Variants in AWAT2 observed in about 807,000 individuals in gnomAD.
AWAT2 encodes the protein acyl-CoA wax alcohol acyltransferase 2, also known as 11-cis-RE-synthase.
A neutral mutation model predicts 22.3 loss-of-function variants in AWAT2; 9 were observed. The observed-to-expected ratio is 0.40, with a 90% CI of 0.24 to 0.70. AWAT2 has a LOEUF of 0.70. AWAT2 is among the 30% of genes least tolerant of loss of function. AWAT2 has a pLI of 0.36. For missense variants in AWAT2, 217 were observed against 265.9 expected (o/e 0.82, Z 1.28); for synonymous variants, 100 against 93.4 (o/e 1.07, Z -0.40).
chrX:70,048,323 C>T (rs1391700241), intron 1 of AWAT2, among the ~76,000 whole-genome samples: 1 of 111,421 alleles, frequency 9.0e-6, no homozygotes, highest in Non-Finnish European at 1.9e-5. Flanking sequence ...ACAATCTGTC[C>T]CCTGCCTGTT....
rs762580067 is a variant in AWAT2 at position 70,041,561 on chromosome X, A to G, written c.*97T>C. 2.3e-5 allele frequency: 8 copies of G among 353,923 alleles called. No homozygotes were observed. The highest frequency in any genetic ancestry group is 1.5e-4 in the Admixed American group (3 of 19,821). 29.2% of individuals were successfully genotyped at this position (353,923 alleles called of 1,213,427 possible). A position where few individuals can be genotyped will look rare whatever the true frequency, so the allele number is the denominator to read the frequency against. ...AGTGCCGTCAGGGCACCTCTCCCCT[A>G]GGCTCTTCCCTGTTTCTTGGGACTA... On this transcript the variant is annotated 3_prime_UTR_variant, in exon 8 of 8. Transcript: ENST00000276101.
At chrX:70,046,500 G>T (rs1488399501) in intron 1 of AWAT2, among the ~76,000 whole-genome samples, 2 of 109,048 alleles carry the variant, frequency 1.8e-5, no homozygotes, top group African/African-American at 6.7e-5. Context: ...CGCCTCCCGG[G>T]TTCAAGCAGT....
chrX:70,049,137 G>T (rs181675080), intron 1 of AWAT2, among the ~76,000 whole-genome samples: 1 of 111,634 alleles, frequency 9.0e-6, no homozygotes, highest in Non-Finnish European at 1.9e-5. Context: ...ATTCACTGGC[G>T]TGCCTCTGTG....
intron 1 of AWAT2, among the ~76,000 whole-genome samples, chrX:70,048,736 G>A (rs1246048217): frequency 6.3e-5 from 7 of 111,745 alleles, no homozygotes; most frequent in Non-Finnish European, 1.3e-4. Flanking sequence ...GAGGTAGTAA[G>A]GACTGTGAAT....
intron 7 of AWAT2, 42 bp downstream of exon 7, chrX:70,041,731 A>G: frequency 9.5e-7 from 1 of 1,055,756 alleles, no homozygotes. Context: ...GGAGCCTGAT[A>G]GGTGACTTTT....
chrX:70,042,952 ATGTAT>A (rs1922930622), intron 5 of AWAT2, 112 bp downstream of exon 5: 3 of 585,369 alleles, frequency 5.1e-6, no homozygotes, highest in Admixed American at 9.8e-5. Context: ...GTTCGTAAGA[ATGTAT>A]TGTATACTTC....
rs781021844 is a variant in AWAT2, at chrX:70,043,155, C to T, written c.561G>A (p.Leu187=). Residue 187 remains leucine, a synonymous_variant, in exon 5 of 8, where the codon CTG becomes CTA. Coordinates refer to ENST00000276101, the MANE Select transcript of AWAT2 (RefSeq NM_001002254.1). The part of the protein sequence containing the change: ...GNMVIVVIGG[L]AECRYSLPGS... ...CTGGCAGGCTGTATCTGCACTCAGCCAGTCCACCAATCACCACAATGACCA... is the reference window on the plus strand; with the variant it reads ...CTGGCAGGCTGTATCTGCACTCAGCTAGTCCACCAATCACCACAATGACCA... The T allele has an allele frequency of 8.3e-7, 1 of 1,206,799 alleles. No homozygotes were observed. The highest frequency in any genetic ancestry group is 1.1e-6 in the Non-Finnish European group (1 of 893,135).
At chrX:70,044,544 A>G in intron 1 of AWAT2, 82 bp from the exon 2 acceptor site, 1 of 1,141,657 alleles carries the variant, frequency 8.8e-7, no homozygotes, top group Non-Finnish European at 1.2e-6. Context: ...GTCCACCCCA[A>G]GGTCACGTGC....
chrX:70,044,039 T>C, intron 2 of AWAT2, 43 bp from the exon 3 acceptor site: 1 of 1,139,052 alleles, frequency 8.8e-7, no homozygotes, highest in Non-Finnish European at 1.2e-6. Flanking sequence ...CCATTCCCAC[T>C]GTGGGCCTGC....
intron 7 of AWAT2, 70 bp from the exon 8 acceptor site, chrX:70,041,692 C>A: frequency 1.3e-6 from 1 of 757,163 alleles, no homozygotes; most frequent in East Asian, 3.4e-5. Context: ...AGCCCCTCCC[C>A]ATAAGGAGGA....
chrX:70,049,877 A>G lies in AWAT2; in HGVS notation c.56T>C (p.Phe19Ser). ...LKTALDVFAV[F>S]QWSFSALLIT... is the part of the protein sequence containing the mutation. ...AAGCAAGGCACTGAAGGACCACTGG[A>G]AAACAGCAAAGACATCCAGGGCAGT... is the stretch of plus-strand genomic sequence containing the variant. Residue 19 changes from phenylalanine to serine, a missense_variant, in exon 1 of 8, where the codon TTC becomes TCC. Physicochemically the swap from Phe to Ser is radical, Grantham distance 155. Transcript: ENST00000276101. 2.5e-6 allele frequency: 3 copies of G among 1,211,826 alleles called. No homozygotes were observed. The highest frequency in any genetic ancestry group is 3.3e-6 in the Non-Finnish European group (3 of 895,529).
chrX:70,043,384 G>T, intron 4 of AWAT2, 94 bp downstream of exon 4: 2 of 1,003,483 alleles, frequency 2.0e-6, no homozygotes, highest in Non-Finnish European at 2.7e-6. Context: ...CACCAGAGGG[G>T]ATTGGGAGCT....
intron 1 of AWAT2, among the ~76,000 whole-genome samples, chrX:70,047,164 G>A (rs113545752): frequency 0.048 from 5,390 of 111,895 alleles, 311 homozygotes; most frequent in African/African-American, 0.17. Context: ...GAGGATGGGG[G>A]AAGAGGAAGT....
intron 5 of AWAT2, 91 bp from the exon 6 acceptor site, chrX:70,042,477 G>T (rs953980455): frequency 1.1e-6 from 1 of 909,251 alleles, no homozygotes; most frequent in Non-Finnish European, 1.6e-6. Context: ...CCCTGGGTCT[G>T]CCTACAGGCT....
At chrX:70,043,012 CT>C (rs1556119465) in intron 5 of AWAT2, 56 bp downstream of exon 5, 1 of 928,390 alleles carries the variant, frequency 1.1e-6, no homozygotes, top group African/African-American at 2.1e-5. Flanking sequence ...CCCTCTTCTT[CT>C]TTCCCTGCAA....
chrX:70,047,811 C>T (rs1170129766), intron 1 of AWAT2, among the ~76,000 whole-genome samples: 10 of 111,218 alleles, frequency 9.0e-5, no homozygotes, highest in Non-Finnish European at 1.5e-4. Context: ...CTGCCAGGAC[C>T]GAGAGCTCTT....
At position 70,041,471 on chromosome X, in the gene AWAT2, C is replaced by T; in HGVS notation, c.*187G>A. ...AGCCTTCAAAACAGAGTAGTTGGTG[C>T]ACACGCAGTTATCAGAAGATGGGCT... On this transcript the variant is annotated 3_prime_UTR_variant, in exon 8 of 8. Transcript: ENST00000276101. 1 of 181,844 alleles carries T rather than the reference C, an allele frequency of 5.5e-6. No homozygotes were observed. The highest frequency in any genetic ancestry group is 7.1e-5 in the Admixed American group (1 of 14,114). 15.0% of individuals were successfully genotyped at this position (181,844 alleles called of 1,213,427 possible).
intron 1 of AWAT2, among the ~76,000 whole-genome samples, chrX:70,046,909 C>T (rs1174992454): frequency 9.0e-6 from 1 of 110,887 alleles, no homozygotes; most frequent in Non-Finnish European, 1.9e-5. Context: ...TATTTTTAAT[C>T]CTTATGTTAA....
chrX:70,042,252 T>C lies in AWAT2; in HGVS notation c.782A>G (p.Tyr261Cys), dbSNP rs772011125. The change falls in exon 6 of 8, where the codon TAT (tyrosine) becomes TGT (cysteine). Residue 261 changes from tyrosine to cysteine, a missense_variant. Tyr to Cys is a radical substitution (Grantham distance 194, BLOSUM62 -2). Coordinates refer to ENST00000276101, the MANE Select transcript of AWAT2 (RefSeq NM_001002254.1). ...SMVHIYPCAF[Y>C]GRGFTKNSWG... ...GGAGTTCTTGGTGAAGCCACGTCCA[T>C]AGAAAGCACAAGGGTAGATGTGTAC... 9.9e-6 allele frequency: 12 copies of C among 1,211,343 alleles called. No individual in the cohort carries two copies. The highest frequency in any genetic ancestry group is 1.3e-5 in the Non-Finnish European group (12 of 895,314).
Sources: allele counts gnomAD v4.1 joint callset (sites outside exome capture counted in the v4.1 genomes callset), GRCh38; gene constraint gnomAD v4.1.1; transcripts MANE v1.5; gene names NCBI Gene and HGNC (gene_info 2026-07-23, HGNC 2026-07-21).